Variants in DYNC2H1 observed in about 807,000 individuals in gnomAD.
DYNC2H1 encodes cytoplasmic dynein 2 heavy chain 1.
DYNC2H1 carries 410 observed loss-of-function variants against 570.0 expected under a neutral mutation model. That is an observed-to-expected ratio of 0.72 (90% CI 0.66 to 0.78). The LOEUF (loss-of-function observed/expected upper bound fraction) is 0.78, where lower values mean the gene tolerates loss of function less well. Among genes scored for constraint, DYNC2H1 ranks in the 30% least tolerant of loss-of-function variants. DYNC2H1 has a pLI of 0.00. For missense variants in DYNC2H1, 4,865 were observed against 5,046.4 expected (o/e 0.96, Z 1.09); for synonymous variants, 1,688 against 1,677.6 (o/e 1.01, Z -0.15).
In DYNC2H1 at chr11:103,191,583, T is replaced by A; in HGVS notation, c.7504T>A (p.Trp2502Arg). 2 of 1,610,266 alleles carry A rather than the reference T, an allele frequency of 1.2e-6. No homozygotes were observed. The highest frequency in any genetic ancestry group is 2.2e-5 in the South Asian group (2 of 90,160). ...CTTTACTCCTTGCATTCTTACCCAATGGGTTCTTGGCTTATTTAGATATGA... is the reference window on the plus strand; with the variant it reads ...CTTTACTCCTTGCATTCTTACCCAAAGGGTTCTTGGCTTATTTAGATATGA... The part of the protein sequence containing the change: ...YFFTPCILTQ[W>R]VLGLFRYDLE... The change falls in exon 46 of 89, where the codon TGG becomes AGG. Residue 2502 changes from tryptophan (W) to arginine (R), a missense_variant. Coordinates refer to ENST00000375735, the MANE Select transcript of DYNC2H1 (RefSeq NM_001377.3).
chr11:103,389,421 A>G (rs1243814922), intron 83 of DYNC2H1, among the ~76,000 whole-genome samples: 1 of 151,900 alleles, frequency 6.6e-6, no homozygotes, highest in Admixed American at 6.6e-5. Context: ...GCAGTCTATC[A>G]ATTTTGTTGA....
Position 103,307,732 on chromosome 11 carries a change from T to A in DYNC2H1, c.11394T>A (p.Thr3798=), listed in dbSNP as rs754769235. The part of the protein sequence containing the change: ...WLPVLEKELN[T]LQPKDTFRLW... ...GTTTTGTAAACAAGGAATTGAATAC[T>A]CTTCAACCTAAAGATACCTTTCGTC... The change falls in exon 78 of 89, where the codon ACT becomes ACA. Residue 3798 remains threonine (T), a synonymous_variant. Transcript: ENST00000375735. 1.4e-5 allele frequency: 23 copies of A among 1,589,886 alleles called. No individual in the cohort carries two copies. The highest frequency in any genetic ancestry group is 5.2e-5 in the Admixed American group (3 of 57,662).
chr11:103,457,664 A>G (rs1350542787), intron 87 of DYNC2H1, among the ~76,000 whole-genome samples: 2 of 152,216 alleles, frequency 1.3e-5, no homozygotes, highest in Non-Finnish European at 2.9e-5. Flanking sequence ...GCAAAAAATC[A>G]AAAGTATAAA....
rs149384871 is a variant in DYNC2H1, at chr11:103,478,464, C to A, written c.12766-631C>A. Among the ~76,000 whole-genome samples the A allele has an allele frequency of 3.9e-4, 60 of 152,260 alleles. 1 individual carries two copies. The East Asian group carries it at 0.011, about 28-fold the overall frequency. On this transcript the variant is annotated intron_variant, in intron 88 of 88. Transcript: ENST00000375735. ...TGCTGCTTGATGGAAACATCTAGTA[C>A]CACCTATGCGGTATTTTCCAAACAT... is the stretch of plus-strand genomic sequence containing the variant.
chr11:103,417,836 A>G (rs1220399060), intron 84 of DYNC2H1, among the ~76,000 whole-genome samples: 1 of 151,746 alleles, frequency 6.6e-6, no homozygotes, highest in African/African-American at 2.4e-5. Flanking sequence ...AGATTGCACC[A>G]CTGCAGTCCA....
At chr11:103,469,649 G>A (rs936562920) in intron 88 of DYNC2H1, among the ~76,000 whole-genome samples, 2 of 152,130 alleles carry the variant, frequency 1.3e-5, no homozygotes, top group African/African-American at 4.8e-5. Context: ...ACCTAAAAGA[G>A]CATATGTTTC....
rs1252831682 is a variant in DYNC2H1 at position 103,268,856 on chromosome 11, T to G, written c.10695+8879T>G. 2.0e-5 allele frequency among the ~76,000 whole-genome samples: 3 copies of G among 152,102 alleles called. No homozygotes were observed. Among genetic ancestry groups the G allele is most frequent in the African/African-American group, 7.2e-5 (3 of 41,450 alleles). ...TATGTGTCTTATCTCAGTTTATATATTCTCATTTTATCGTTAGTAATACAG... is the reference window on the plus strand; with the variant it reads ...TATGTGTCTTATCTCAGTTTATATAGTCTCATTTTATCGTTAGTAATACAG... On this transcript the variant is annotated intron_variant, in intron 70 of 88. Transcript: ENST00000375735. The surrounding 1 kb of genome is among the most constrained non-coding windows in gnomAD (Gnocchi z 4.6).
At chr11:103,217,731 A>C (rs1401763802) in intron 55 of DYNC2H1, among the ~76,000 whole-genome samples, 2 of 152,218 alleles carry the variant, frequency 1.3e-5, no homozygotes. Flanking sequence ...ATTGAATTTC[A>C]TCAAAATGAA....
chr11:103,218,013 A>G (rs779244716), intron 55 of DYNC2H1, among the ~76,000 whole-genome samples: 2 of 152,216 alleles, frequency 1.3e-5, no homozygotes, highest in Non-Finnish European at 2.9e-5. Flanking sequence ...TCCCAGTGAT[A>G]TGCTGCTACA....
intron 12 of DYNC2H1, among the ~76,000 whole-genome samples, chr11:103,126,928 G>T (rs1005982287): frequency 6.6e-6 from 1 of 152,146 alleles, no homozygotes; most frequent in Non-Finnish European, 1.5e-5. Context: ...GTGAGCCACC[G>T]CAGCCGGCCT....
chr11:103,414,023 T>A (rs2135696718), intron 84 of DYNC2H1, among the ~76,000 whole-genome samples: 1 of 151,322 alleles, frequency 6.6e-6, no homozygotes, highest in East Asian at 2.0e-4. Flanking sequence ...ATCATTATTA[T>A]TTGAAAGTAA....
At chr11:103,342,671 T>G (rs1365198233) in intron 82 of DYNC2H1, among the ~76,000 whole-genome samples, 1 of 151,814 alleles carries the variant, frequency 6.6e-6, no homozygotes, top group Admixed American at 6.6e-5. Flanking sequence ...CCCGGCTAAT[T>G]TTTTTTGTAT....
intron 83 of DYNC2H1, among the ~76,000 whole-genome samples, chr11:103,384,081 T>G (rs1941780768): frequency 6.6e-6 from 1 of 152,228 alleles, no homozygotes; most frequent in Non-Finnish European, 1.5e-5. Context: ...CATTTTGTTA[T>G]GTTTGAAAAG....
intron 14 of DYNC2H1, among the ~76,000 whole-genome samples, 175 bp from the exon 15 acceptor site, chr11:103,134,146 A>G (rs1034426242): frequency 6.6e-6 from 1 of 152,224 alleles, no homozygotes; most frequent in Non-Finnish European, 1.5e-5. Context: ...TGGCAGGAAT[A>G]GCACAGAAGT....
intron 70 of DYNC2H1, among the ~76,000 whole-genome samples, chr11:103,273,688 A>G (rs569636718): frequency 2.6e-5 from 4 of 152,302 alleles, no homozygotes; most frequent in African/African-American, 9.6e-5. Context: ...GCAACCAGAT[A>G]TAGGGCCAAA....
Position 103,155,466 on chromosome 11 carries a change from G to A in DYNC2H1, c.3709G>A (p.Ala1237Thr). 3 of 1,611,240 alleles carry A rather than the reference G, an allele frequency of 1.9e-6. No homozygotes were observed. The highest frequency in any genetic ancestry group is 2.5e-6 in the Non-Finnish European group (3 of 1,178,666). The change falls in exon 25 of 89, where the codon GCT becomes ACT. Residue 1237 changes from alanine to threonine, a missense_variant. By Grantham distance (58) the Ala-to-Thr change is moderately conservative. This residue lies in a region of DYNC2H1 where 1,936 missense variants were observed against 1,962.1 expected (regional missense o/e 0.99). Coordinates refer to ENST00000375735, the MANE Select transcript of DYNC2H1 (RefSeq NM_001377.3). ...KLLFGDLLRVADTIVAKAADL... is the reference protein window; with the variant it reads ...KLLFGDLLRVTDTIVAKAADL... ...ACTGTTTGGTGATTTGCTCAGAGTA[G>A]CTGATACAATTGTAGCCAAAGCTGC...
intron 59 of DYNC2H1, among the ~76,000 whole-genome samples, chr11:103,223,764 T>G (rs1448758186): frequency 1.3e-5 from 2 of 151,334 alleles, no homozygotes; most frequent in Non-Finnish European, 1.5e-5. Flanking sequence ...TTTTTTTTTT[T>G]TTGAGACAGA....
chr11:103,202,303 T>TTTTC (rs1198790679), intron 50 of DYNC2H1, among the ~76,000 whole-genome samples: 1 of 151,050 alleles, frequency 6.6e-6, no homozygotes, highest in African/African-American at 2.4e-5. Flanking sequence ...GATTTTTTTT[T>TTTTC]TTTTTTTTTG....
At chr11:103,282,368 C>T (rs977836840) in intron 72 of DYNC2H1, 139 bp downstream of exon 72, 17 of 713,562 alleles carry the variant, frequency 2.4e-5, no homozygotes, top group Non-Finnish European at 3.4e-5. Context: ...ATTCTGGCCT[C>T]TTAAGTATTT....
Sources: allele counts gnomAD v4.1 joint callset (sites outside exome capture counted in the v4.1 genomes callset), GRCh38; gene constraint gnomAD v4.1.1; regional missense constraint gnomAD v4.1.1; non-coding constraint Gnocchi (gnomAD v3.1); transcripts MANE v1.5; gene names NCBI Gene and HGNC (gene_info 2026-07-23, HGNC 2026-07-21).